The following PTPRA variants were observed in gnomAD, a reference collection of about 807,000 sequenced individuals.
The protein encoded by PTPRA is protein tyrosine phosphatase receptor type A, also known as receptor-type tyrosine-protein phosphatase alpha.
PTPRA carries 25 observed loss-of-function variants against 104.8 expected under a neutral mutation model. That is an observed-to-expected ratio of 0.24 (90% CI 0.17 to 0.33). The LOEUF (loss-of-function observed/expected upper bound fraction) is 0.33. Among genes scored for constraint, PTPRA ranks in the 10% least tolerant of loss-of-function variants. PTPRA has a pLI of 1.00. For missense variants in PTPRA, 765 were observed against 1,015.3 expected (o/e 0.75, Z 3.35); for synonymous variants, 323 against 368.9 (o/e 0.88, Z 1.43).
At chr20:2,911,252 G>A (rs2059713226) in intron 1 of PTPRA, among the ~76,000 whole-genome samples, 1 of 152,118 alleles carries the variant, frequency 6.6e-6, no homozygotes, top group Non-Finnish European at 1.5e-5. Context: ...TGGCATAGGT[G>A]TTAACTTCAT....
chr20:2,956,448 G>A (rs974817184), intron 3 of PTPRA, among the ~76,000 whole-genome samples: 3 of 150,572 alleles, frequency 2.0e-5, no homozygotes, highest in South Asian at 2.1e-4. Context: ...CATTCATTTA[G>A]CAGATATTTA....
At chr20:2,986,515 A>G (rs1247136382) in intron 6 of PTPRA, among the ~76,000 whole-genome samples, 1 of 152,208 alleles carries the variant, frequency 6.6e-6, no homozygotes, top group Non-Finnish European at 1.5e-5. Flanking sequence ...GACAGAGTAA[A>G]TAAATGTATG....
chr20:3,006,272 G>A (rs115116337), intron 10 of PTPRA, among the ~76,000 whole-genome samples: 3,656 of 152,140 alleles, frequency 0.024, 137 homozygotes, highest in African/African-American at 0.075. Context: ...ATGTATCCTC[G>A]AATTCCTGGG....
chr20:2,872,927 C>T (rs1220027815), upstream of PTPRA, among the ~76,000 whole-genome samples: 1 of 152,196 alleles, frequency 6.6e-6, no homozygotes, highest in African/African-American at 2.4e-5. This position sits in a 1 kb window ranked among gnomAD's most constrained non-coding sequence, Gnocchi z 7.9. Context: ...GGAGATTACC[C>T]TGGAGCTCGG....
intron 6 of PTPRA, among the ~76,000 whole-genome samples, chr20:2,978,923 G>T (rs765631210): frequency 6.6e-6 from 1 of 152,210 alleles, no homozygotes; most frequent in African/African-American, 2.4e-5. Context: ...TAGGAAGCTG[G>T]ACTGAGGTTC....
intron 3 of PTPRA, among the ~76,000 whole-genome samples, chr20:2,954,178 A>G (rs1018518422): frequency 4.7e-5 from 7 of 150,440 alleles, no homozygotes; most frequent in Non-Finnish European, 1.0e-4. Flanking sequence ...CCTGGGTTCA[A>G]GTGATTTTCC....
At chr20:3,028,631 G>A (rs533872851) in intron 20 of PTPRA, among the ~76,000 whole-genome samples, 2 of 152,326 alleles carry the variant, frequency 1.3e-5, no homozygotes, top group African/African-American at 4.8e-5. Context: ...TGTTGAGGTT[G>A]CACATTGCAG....
intron 11 of PTPRA, among the ~76,000 whole-genome samples, chr20:3,007,958 A>T (rs2063956321): frequency 6.6e-6 from 1 of 152,202 alleles, no homozygotes; most frequent in Non-Finnish European, 1.5e-5. Flanking sequence ...AACAGTCTGT[A>T]TGAGAGATTT....
At chr20:2,895,756 C>T (rs910071248) in intron 1 of PTPRA, among the ~76,000 whole-genome samples, 6 of 151,994 alleles carry the variant, frequency 3.9e-5, no homozygotes, top group African/African-American at 1.5e-4. Flanking sequence ...TCTCGAACTC[C>T]TGCCTCAAGT....
At chr20:3,028,139 C>T (rs2065238742) in intron 20 of PTPRA, among the ~76,000 whole-genome samples, 5 of 152,108 alleles carry the variant, frequency 3.3e-5, no homozygotes, top group Admixed American at 2.0e-4. Flanking sequence ...GCACTTTCTC[C>T]TGAATACAGT....
intron 1 of PTPRA, among the ~76,000 whole-genome samples, chr20:2,902,301 T>C (rs6138938): frequency 0.042 from 6,468 of 152,354 alleles, 316 homozygotes; most frequent in Admixed American, 0.11. Flanking sequence ...AACTTTCACC[T>C]GTGGTTATCA....
At chr20:2,902,322 G>T (rs2059268012) in intron 1 of PTPRA, among the ~76,000 whole-genome samples, 1 of 152,156 alleles carries the variant, frequency 6.6e-6, no homozygotes. Flanking sequence ...TGTGCAATGG[G>T]CACATTCAAC....
At chr20:2,946,217 AG>A (rs2061125348) in intron 2 of PTPRA, among the ~76,000 whole-genome samples, 1 of 152,012 alleles carries the variant, frequency 6.6e-6, no homozygotes, top group African/African-American at 2.4e-5. Context: ...GGGAGGAGGG[AG>A]GGGAGGTTGC....
intron 6 of PTPRA, among the ~76,000 whole-genome samples, chr20:2,978,091 T>G (rs1245595162): frequency 6.6e-6 from 1 of 151,956 alleles, no homozygotes. Flanking sequence ...ATGTGTGAGG[T>G]GTGGGGAGTG....
intron 1 of PTPRA, among the ~76,000 whole-genome samples, chr20:2,914,418 CAT>C (rs1386429856): frequency 3.3e-5 from 5 of 151,356 alleles, no homozygotes; most frequent in Non-Finnish European, 7.4e-5. Flanking sequence ...CATCCACACA[CAT>C]AGACTCATTT....
chr20:2,877,385 G>A (rs670988), intron 1 of PTPRA, among the ~76,000 whole-genome samples: 16,898 of 152,028 alleles, frequency 0.11, 1,137 homozygotes, highest in African/African-American at 0.16. Flanking sequence ...TCAGCCTCCC[G>A]AGTAGCTGGG....
At chr20:3,007,093 T>C (rs2063911416) in intron 10 of PTPRA, among the ~76,000 whole-genome samples, 1 of 152,210 alleles carries the variant, frequency 6.6e-6, no homozygotes, top group African/African-American at 2.4e-5. Flanking sequence ...CAAGAAACTT[T>C]CTTTTTTCTC....
At chr20:2,866,167 G>A in the PTPRA span, 2 of 1,562,480 alleles carry the variant, frequency 1.3e-6, no homozygotes, top group Non-Finnish European at 1.8e-6. Context: ...AGGACAGGAG[G>A]GCTGTGCATT....
chr20:2,885,785 G>A (rs976135077), intron 1 of PTPRA, among the ~76,000 whole-genome samples: 3 of 152,184 alleles, frequency 2.0e-5, no homozygotes, highest in Non-Finnish European at 2.9e-5. Flanking sequence ...AAGACTTGAG[G>A]CTGGGCGTGG....
Sources: allele counts gnomAD v4.1 joint callset (sites outside exome capture counted in the v4.1 genomes callset), GRCh38; gene constraint gnomAD v4.1.1; non-coding constraint Gnocchi (gnomAD v3.1); transcripts MANE v1.5; gene names NCBI Gene and HGNC (gene_info 2026-07-23, HGNC 2026-07-21).